ADAT1: variants seen among roughly 807,000 people sequenced by gnomAD.
ADAT1 encodes adenosine deaminase tRNA specific 1, also known as tRNA-specific adenosine deaminase 1.
In ADAT1, 58 loss-of-function variants were observed where a neutral mutation model predicts 58.6. The observed-to-expected ratio is 0.99, with a 90% confidence interval of 0.80 to 1.23. ADAT1 has a LOEUF of 1.23. ADAT1 is among the 50% of genes most tolerant of loss of function. The pLI is 0.00. For synonymous variants in ADAT1, 254 were observed against 220.8 expected (o/e 1.15, Z -1.33); for missense variants, 741 against 608.6 (o/e 1.22, Z -2.29).
rs369749892 is a variant in ADAT1, at chr16:75,620,656, G to A, written c.144C>T (p.Cys48=). ...CTTGCACCGGCTTATCAGGGGTGTC[G>A]CAGGCCTTGTCAGCTGGAGATTGTA... ...VKIQSPADKA[C]DTPDKPVQVT... The change falls in exon 2 of 10, where the codon TGC becomes TGT. Residue 48 remains cysteine, a synonymous_variant. Coordinates refer to ENST00000564657, the MANE Select transcript of ADAT1 (RefSeq NM_001324445.2). The A allele has an allele frequency of 2.8e-5, 45 of 1,613,286 alleles. No individual in the cohort carries two copies. The highest frequency in any genetic ancestry group is 1.4e-4 in the South Asian group (13 of 91,038).
At position 75,621,858 on chromosome 16, in the gene ADAT1, TAGA is replaced by T. The variant is rs561216933; in HGVS notation, c.-22+542_-22+544del. The stretch of plus-strand genomic sequence containing the variant: ...CTCAATTATACAAAAAGCTTCCCAG[TAGA>T]AGATGAGCTTGTGATAGACATAGCT... On this transcript the variant is annotated intron_variant, in intron 1 of 9. Transcript: ENST00000564657. 8.5e-5 allele frequency among the ~76,000 whole-genome samples: 13 copies of T among 152,282 alleles called. No individual in the cohort carries two copies. In the South Asian group the frequency reaches 2.7e-3, roughly 32 times the overall value.
chr16:75,605,881 G>C (rs533151958), intron 8 of ADAT1, among the ~76,000 whole-genome samples: 47 of 144,822 alleles, frequency 3.2e-4, no homozygotes, highest in African/African-American at 1.2e-3. Context: ...AGGTTGCAGT[G>C]AGCCAAGATC....
chr16:75,606,999 G>A (rs1412792834), intron 8 of ADAT1, among the ~76,000 whole-genome samples: 1 of 152,052 alleles, frequency 6.6e-6, no homozygotes, highest in East Asian at 1.9e-4. Flanking sequence ...AGGCTGAGGT[G>A]GGCAGATCAC....
At position 75,608,990 on chromosome 16, in the gene ADAT1, T is replaced by C. The variant is rs1364899350; in HGVS notation, c.1044-2A>G. 1 of 1,614,028 alleles carries C rather than the reference T, an allele frequency of 6.2e-7. No homozygotes were observed. Among genetic ancestry groups the C allele is most frequent in the Non-Finnish European group, 8.5e-7 (1 of 1,179,992 alleles). On this transcript the variant is annotated splice_acceptor_variant, in intron 6 of 9. Coordinates refer to ENST00000564657, the MANE Select transcript of ADAT1 (RefSeq NM_001324445.2). LOFTEE classifies it high-confidence loss of function. The stretch of plus-strand genomic sequence containing the variant: ...GGTAAAGCAGACACATTCTGACACC[T>C]AAATACAAGGGAAAATGCATTCAGT...
chr16:75,618,151 T>C (rs887160047), intron 4 of ADAT1, among the ~76,000 whole-genome samples: 2 of 147,512 alleles, frequency 1.4e-5, no homozygotes, highest in African/African-American at 5.0e-5. Context: ...TAGACCACAT[T>C]ACTACTCAAA....
Position 75,599,407 on chromosome 16 carries a change from C to T in ADAT1, c.*809G>A. The T allele has an allele frequency of 4.1e-6, 4 of 985,754 alleles. No homozygotes were observed. The highest frequency in any genetic ancestry group is 4.8e-6 in the Non-Finnish European group (4 of 829,906). 61.1% of individuals were successfully genotyped at this position (985,754 alleles called of 1,614,324 possible). ...ACCTTTTGGCTTTTTGGACAGAACTCTTTCAATTGTAAGTCAGAAAACCAA... is the reference window on the plus strand; with the variant it reads ...ACCTTTTGGCTTTTTGGACAGAACTTTTTCAATTGTAAGTCAGAAAACCAA... On this transcript the variant is annotated 3_prime_UTR_variant, in exon 10 of 10. Transcript: ENST00000564657.
chr16:75,621,091 C>A (rs2081919253), intron 1 of ADAT1, among the ~76,000 whole-genome samples: 3 of 151,958 alleles, frequency 2.0e-5, no homozygotes, highest in Admixed American at 1.3e-4. Flanking sequence ...AAGGAGTCTG[C>A]ATCCTCTACT....
chr16:75,619,740 G>C (rs1030934716), intron 3 of ADAT1: 2 of 399,696 alleles, frequency 5.0e-6, no homozygotes, highest in Non-Finnish European at 1.0e-5. Flanking sequence ...GTGAAACCCC[G>C]TCTCTAAAAA....
At chr16:75,621,117 C>G (rs1014064564) in intron 1 of ADAT1, among the ~76,000 whole-genome samples, 1 of 151,890 alleles carries the variant, frequency 6.6e-6, no homozygotes, top group South Asian at 2.1e-4. Flanking sequence ...TTAAAGGACA[C>G]GAGAAGGAAA....
At chr16:75,619,698 G>A (rs932491941) in intron 3 of ADAT1, 3 of 441,182 alleles carry the variant, frequency 6.8e-6, no homozygotes, top group Non-Finnish European at 1.4e-5. Flanking sequence ...ATCACCTGAG[G>A]TCAGGAGTTC....
rs191992037 is a variant in ADAT1 at position 75,604,152 on chromosome 16, A to G, written c.1290-981T>C. ...AGAACAATGTAATTAGGGATGGCCAAACACAGTGGCTCATGCCTGTAATCC... is the reference window on the plus strand; with the variant it reads ...AGAACAATGTAATTAGGGATGGCCAGACACAGTGGCTCATGCCTGTAATCC... On this transcript the variant is annotated intron_variant, in intron 8 of 9. Coordinates refer to ENST00000564657, the MANE Select transcript of ADAT1 (RefSeq NM_001324445.2). Among the ~76,000 whole-genome samples the G allele has an allele frequency of 3.9e-5, 6 of 152,072 alleles. No individual in the cohort carries two copies. In the East Asian group the frequency reaches 1.2e-3, roughly 29 times the overall value.
In ADAT1 at chr16:75,598,827, T is replaced by G. The variant is rs2081142863; in HGVS notation, c.*1389A>C. 1 of 942,808 alleles carries G rather than the reference T, an allele frequency of 1.1e-6. No homozygotes were observed. The highest frequency in any genetic ancestry group is 1.3e-6 in the Non-Finnish European group (1 of 791,666). 58.4% of individuals were successfully genotyped at this position (942,808 alleles called of 1,614,324 possible). On this transcript the variant is annotated 3_prime_UTR_variant, in exon 10 of 10. Coordinates refer to ENST00000564657, the MANE Select transcript of ADAT1 (RefSeq NM_001324445.2). ...AGCCACCGTGCCCGGCCTAAAAACT[T>G]TTAAAATGTATACTTTAGTTGGGTG...
At chr16:75,605,829 C>T (rs780064061) in intron 8 of ADAT1, among the ~76,000 whole-genome samples, 10 of 148,880 alleles carry the variant, frequency 6.7e-5, no homozygotes, top group African/African-American at 2.2e-4. Context: ...CCCAGCTACT[C>T]GGGAGGCTGA....
chr16:75,607,350 A>G (rs560166560), intron 8 of ADAT1, among the ~76,000 whole-genome samples: 155 of 152,260 alleles, frequency 1.0e-3, no homozygotes, highest in Non-Finnish European at 1.7e-3. Flanking sequence ...TAAAAATACA[A>G]GAATTAGCCG....
At chr16:75,605,948 A>T (rs1444207758) in intron 8 of ADAT1, among the ~76,000 whole-genome samples, 2 of 151,360 alleles carry the variant, frequency 1.3e-5, no homozygotes, top group African/African-American at 4.9e-5. Flanking sequence ...AAAAAAAAAA[A>T]AAAAAAAAAA....
intron 9 of ADAT1, among the ~76,000 whole-genome samples, chr16:75,600,939 A>G (rs1366855942): frequency 1.3e-5 from 2 of 152,194 alleles, no homozygotes; most frequent in African/African-American, 4.8e-5. Flanking sequence ...TAGGGAATTC[A>G]CGAGAAAGCA....
In ADAT1 at chr16:75,612,761, A is replaced by T. The variant is rs536106427; in HGVS notation, c.525T>A (p.Ser175Arg). 9.3e-6 allele frequency: 15 copies of T among 1,614,078 alleles called. No homozygotes were observed. The East Asian group carries it at 2.5e-4, about 26-fold the overall frequency. ...WAHNSSVEAS[S>R]NLEAPGNERK... ...TTTCATTTCCAGGAGCTTCCAGGTTACTACTGGCTTCTACTGATGAGTTGT... is the reference window on the plus strand; with the variant it reads ...TTTCATTTCCAGGAGCTTCCAGGTTTCTACTGGCTTCTACTGATGAGTTGT... Residue 175 changes from serine (S) to arginine (R), a missense_variant, in exon 6 of 10, where the codon AGT (serine) becomes AGA (arginine). By Grantham distance (110) the Ser-to-Arg change is moderately radical. Transcript: ENST00000564657.
Position 75,618,804 on chromosome 16 carries a change from C to G in ADAT1, c.239-164G>C, listed in dbSNP as rs550473600. On this transcript the variant is annotated intron_variant, in intron 3 of 9. Coordinates refer to ENST00000564657, the MANE Select transcript of ADAT1 (RefSeq NM_001324445.2). Reference sequence around the variant, plus strand: ...ATCATGAATAACAATGCATCAGGTGCAGGGTTTCTCAACCCAGCACTGTAG... The same window carrying G: ...ATCATGAATAACAATGCATCAGGTGGAGGGTTTCTCAACCCAGCACTGTAG... 3.3e-4 allele frequency: 250 copies of G among 767,380 alleles called. No homozygotes were observed. The African/African-American group carries it at 4.2e-3, about 13-fold the overall frequency. 47.5% of individuals were successfully genotyped at this position (767,380 alleles called of 1,614,324 possible). A position where few individuals can be genotyped will look rare whatever the true frequency, so the allele number is the denominator to read the frequency against.
chr16:75,599,752 C>T lies in ADAT1; in HGVS notation c.*464G>A. On this transcript the variant is annotated 3_prime_UTR_variant, in exon 10 of 10. Coordinates refer to ENST00000564657, the MANE Select transcript of ADAT1 (RefSeq NM_001324445.2). ...CCAAGTCTGAGGCACAGAGCAGGAT[C>T]ACTGAAGAATGGGAAAAGAATGGCT... The T allele has an allele frequency of 1.0e-6, 1 of 992,928 alleles. No homozygotes were observed. The highest frequency in any genetic ancestry group is 1.2e-6 in the Non-Finnish European group (1 of 834,490). The allele number at this position is 992,928 out of a possible 1,614,324, so 61.5% of individuals were successfully genotyped here. A position where few individuals can be genotyped will look rare whatever the true frequency, so the allele number is the denominator to read the frequency against.
Sources: allele counts gnomAD v4.1 joint callset (sites outside exome capture counted in the v4.1 genomes callset), GRCh38; gene constraint gnomAD v4.1.1; transcripts MANE v1.5; gene names NCBI Gene and HGNC (gene_info 2026-07-23, HGNC 2026-07-21).